Variants in AMMECR1 observed in about 807,000 individuals in gnomAD.
The protein encoded by AMMECR1 is nuclear protein AMMECR1.
AMMECR1 carries 3 observed loss-of-function variants against 22.5 expected under a neutral mutation model. The observed-to-expected ratio is 0.13, with a 90% CI of 0.06 to 0.35. The LOEUF is 0.35. Ranked by LOEUF, AMMECR1 falls within the 10% of genes least tolerant of loss-of-function variation. AMMECR1 has a pLI of 1.00. For missense variants in AMMECR1, 235 were observed against 278.7 expected (o/e 0.84, Z 1.12); for synonymous variants, 130 against 116.7 (o/e 1.11, Z -0.74).
intron 3 of AMMECR1, among the ~76,000 whole-genome samples, chrX:110,210,272 A>G (rs2067441320): frequency 3.6e-5 from 4 of 110,559 alleles, no homozygotes; most frequent in South Asian, 7.6e-4. Flanking sequence ...AAAAACATTT[A>G]AAGTAGAGCA....
At chrX:110,269,534 G>C (rs2067787823) in intron 1 of AMMECR1, among the ~76,000 whole-genome samples, 1 of 107,723 alleles carries the variant, frequency 9.3e-6, no homozygotes, top group African/African-American at 3.4e-5. Flanking sequence ...TATTGGGGGG[G>C]GGGATACAGG....
chrX:110,326,857 G>C (rs1316501235), intron 2 of AMMECR1, among the ~76,000 whole-genome samples: 1 of 111,760 alleles, frequency 8.9e-6, no homozygotes, highest in African/African-American at 3.3e-5. Context: ...CCTGGACCTA[G>C]GTGGTGGCGG....
Position 110,381,249 on chromosome X carries a change from T to C in AMMECR1, c.-148+45409A>G, listed in dbSNP as rs1383068962. 7.2e-5 allele frequency among the ~76,000 whole-genome samples: 8 copies of C among 111,567 alleles called. No individual in the cohort carries two copies. In the Admixed American group the frequency reaches 7.6e-4, roughly 11 times the overall value. Reference sequence around the variant, plus strand: ...AATCAACAAGCAAAAAACAACCCCATTGAAAAGAGGGCAAAGGACATGAAC... The same window carrying C: ...AATCAACAAGCAAAAAACAACCCCACTGAAAAGAGGGCAAAGGACATGAAC... On this transcript the variant is annotated intron_variant, in intron 2 of 7. Transcript: ENST00000372057.
At chrX:110,388,141 A>C (rs996593976) in intron 2 of AMMECR1, among the ~76,000 whole-genome samples, 3 of 111,584 alleles carry the variant, frequency 2.7e-5, no homozygotes, top group Non-Finnish European at 3.8e-5. Flanking sequence ...TGTTGGGATT[A>C]CAGGCGTGAG....
intron 2 of AMMECR1, among the ~76,000 whole-genome samples, chrX:110,255,999 A>G (rs1214850567): frequency 8.9e-6 from 1 of 112,583 alleles, no homozygotes; most frequent in Admixed American, 9.4e-5. Flanking sequence ...CTTCATTCTC[A>G]AAAGAATGTA....
chrX:110,294,023 G>A (rs1183750829), intron 1 of AMMECR1, among the ~76,000 whole-genome samples: 1 of 111,753 alleles, frequency 8.9e-6, no homozygotes, highest in Admixed American at 9.5e-5. Flanking sequence ...AGTTACTTGT[G>A]TCTAGGTCAA....
At chrX:110,384,811 G>A (rs1468909828) in intron 2 of AMMECR1, among the ~76,000 whole-genome samples, 2 of 110,881 alleles carry the variant, frequency 1.8e-5, no homozygotes, top group Non-Finnish European at 3.8e-5. Flanking sequence ...GGTGCGAGGT[G>A]CATACCCTTC....
chrX:110,276,334 C>G (rs2067826247), intron 1 of AMMECR1, among the ~76,000 whole-genome samples: 1 of 111,756 alleles, frequency 8.9e-6, no homozygotes, highest in Non-Finnish European at 1.9e-5. Flanking sequence ...TCTGCTAATT[C>G]TATAACCATC....
intron 2 of AMMECR1, among the ~76,000 whole-genome samples, chrX:110,344,149 C>T (rs1201484022): frequency 9.0e-6 from 1 of 111,661 alleles, no homozygotes; most frequent in Non-Finnish European, 1.9e-5. Flanking sequence ...AACAGAGATA[C>T]AGACCAATGG....
At chrX:110,408,637 C>G (rs959184025) in intron 2 of AMMECR1, among the ~76,000 whole-genome samples, 32 of 112,445 alleles carry the variant, frequency 2.8e-4, no homozygotes, top group African/African-American at 1.0e-3. Flanking sequence ...GAGGATCACA[C>G]AGACTCATTC....
At chrX:110,315,529 T>C (rs2068043925) in intron 1 of AMMECR1, among the ~76,000 whole-genome samples, 1 of 112,336 alleles carries the variant, frequency 8.9e-6, no homozygotes, top group Admixed American at 9.4e-5. Context: ...TAGAATAATA[T>C]CTAAATACGT....
At chrX:110,401,541 G>T (rs1448770327) in intron 2 of AMMECR1, among the ~76,000 whole-genome samples, 5 of 111,777 alleles carry the variant, frequency 4.5e-5, no homozygotes, top group African/African-American at 1.6e-4. Context: ...CTTAGGAGCA[G>T]GTAGCTCCCA....
rs2068643910 is a variant in AMMECR1, at chrX:110,411,869, A to G, written c.-148+14789T>C. Among the ~76,000 whole-genome samples the G allele has an allele frequency of 3.6e-5, 4 of 112,520 alleles. No homozygotes were observed. In the South Asian group the frequency reaches 1.5e-3, roughly 42 times the overall value. On this transcript the variant is annotated intron_variant, in intron 2 of 7. Coordinates refer to the AMMECR1 transcript ENST00000372057. Reference sequence around the variant, plus strand: ...ATGAAAGCTCAGGTTTTGCTTACTCACTATTATATTTCTAGTGCTAGACTG... The same window carrying G: ...ATGAAAGCTCAGGTTTTGCTTACTCGCTATTATATTTCTAGTGCTAGACTG...
intron 2 of AMMECR1, among the ~76,000 whole-genome samples, chrX:110,339,713 C>A (rs1012208543): frequency 2.7e-5 from 3 of 110,226 alleles, no homozygotes; most frequent in Non-Finnish European, 5.7e-5. Context: ...TCAGGCTGGT[C>A]TCGAACTCCC....
intron 2 of AMMECR1, among the ~76,000 whole-genome samples, chrX:110,388,277 G>T (rs779368983): frequency 1.8e-5 from 2 of 112,060 alleles, no homozygotes; most frequent in African/African-American, 3.2e-5. Context: ...TACTAAATAG[G>T]CACTCAGGTG....
intron 2 of AMMECR1, among the ~76,000 whole-genome samples, chrX:110,257,009 A>T (rs1348256887): frequency 9.0e-6 from 1 of 111,655 alleles, no homozygotes; most frequent in East Asian, 2.8e-4. Flanking sequence ...TAAGATACAA[A>T]TCTGTCCTCC....
chrX:110,302,676 C>G (rs1226740545), intron 1 of AMMECR1, among the ~76,000 whole-genome samples: 1 of 110,658 alleles, frequency 9.0e-6, no homozygotes, highest in Admixed American at 9.6e-5. Context: ...AGTTCAAGAC[C>G]AGCCTGTCCA....
intron 2 of AMMECR1, among the ~76,000 whole-genome samples, chrX:110,412,658 A>G (rs1319787010): frequency 8.9e-6 from 1 of 112,738 alleles, no homozygotes; most frequent in Non-Finnish European, 1.9e-5. Flanking sequence ...ACACATTACT[A>G]TTCCAACTAC....
chrX:110,420,800 GGC>G (rs1181294194), intron 2 of AMMECR1, among the ~76,000 whole-genome samples: 1 of 111,520 alleles, frequency 9.0e-6, no homozygotes, highest in Non-Finnish European at 1.9e-5. Context: ...CATACTGAAT[GGC>G]TTTATTTTTA....
Sources: allele counts gnomAD v4.1 joint callset (sites outside exome capture counted in the v4.1 genomes callset), GRCh38; gene constraint gnomAD v4.1.1; transcripts MANE v1.5; gene names NCBI Gene and HGNC (gene_info 2026-07-23, HGNC 2026-07-21).